The following ZMAT4 variants were observed in gnomAD, a reference collection of about 807,000 sequenced individuals.
ZMAT4 encodes zinc finger matrin-type 4.
A neutral mutation model predicts 28.7 loss-of-function variants in ZMAT4; 17 were observed. The observed-to-expected ratio is 0.59, with a 90% CI of 0.41 to 0.89. The LOEUF (loss-of-function observed/expected upper bound fraction) is 0.89, where lower values mean the gene tolerates loss of function less well. Among genes scored for constraint, ZMAT4 ranks in the 40% least tolerant of loss-of-function variants. The pLI, the probability that ZMAT4 is intolerant of heterozygous loss-of-function variation, is 0.00. For synonymous variants in ZMAT4, 117 were observed against 109.2 expected (o/e 1.07, Z -0.44); for missense variants, 240 against 283.8 (o/e 0.85, Z 1.11).
At chr8:40,709,112 A>G (rs1198430438) in intron 3 of ZMAT4, among the ~76,000 whole-genome samples, 5 of 152,222 alleles carry the variant, frequency 3.3e-5, no homozygotes, top group Non-Finnish European at 5.9e-5. Flanking sequence ...CAGCGTTTGC[A>G]TATAACCTAC....
chr8:40,828,765 C>T (rs539333570), intron 1 of ZMAT4, among the ~76,000 whole-genome samples: 1 of 152,202 alleles, frequency 6.6e-6, no homozygotes, highest in South Asian at 2.1e-4. Context: ...TACATGAGGG[C>T]TTTCCCTCCA....
At chr8:40,793,416 A>G (rs1346368718) in intron 2 of ZMAT4, among the ~76,000 whole-genome samples, 1 of 152,170 alleles carries the variant, frequency 6.6e-6, no homozygotes, top group East Asian at 1.9e-4. Flanking sequence ...CCACACAAGG[A>G]GGAAGACAAG....
At chr8:40,653,786 CA>C (rs1040748566) in intron 5 of ZMAT4, among the ~76,000 whole-genome samples, 1 of 151,962 alleles carries the variant, frequency 6.6e-6, no homozygotes, top group Non-Finnish European at 1.5e-5. Flanking sequence ...ATATTTCATA[CA>C]AAAAAAGAGT....
chr8:40,733,263 C>A (rs1402498594), intron 3 of ZMAT4, among the ~76,000 whole-genome samples: 2 of 152,044 alleles, frequency 1.3e-5, no homozygotes, highest in Non-Finnish European at 2.9e-5. Context: ...AGAACAGACC[C>A]ATTCTTGGTC....
chr8:40,553,700 G>C (rs1803437314), intron 6 of ZMAT4, among the ~76,000 whole-genome samples: 1 of 152,116 alleles, frequency 6.6e-6, no homozygotes, highest in African/African-American at 2.4e-5. Context: ...ACCTAAGGTT[G>C]CATAGATAAT....
At chr8:40,748,271 G>T (rs1388273359) in intron 3 of ZMAT4, among the ~76,000 whole-genome samples, 1 of 152,190 alleles carries the variant, frequency 6.6e-6, no homozygotes, top group East Asian at 1.9e-4. Context: ...CGGAGTCACA[G>T]ATCAAAAGGA....
intron 5 of ZMAT4, among the ~76,000 whole-genome samples, chr8:40,652,077 C>A (rs1807690698): frequency 1.3e-5 from 1 of 79,906 alleles, no homozygotes; most frequent in Admixed American, 1.3e-4. Context: ...CCAAAATTGA[C>A]AAATGGGATC....
chr8:40,592,828 A>T (rs944430208), intron 5 of ZMAT4, among the ~76,000 whole-genome samples: 1 of 152,224 alleles, frequency 6.6e-6, no homozygotes, highest in Non-Finnish European at 1.5e-5. Context: ...CATTTGAGCA[A>T]ATCATCTTCA....
At chr8:40,648,507 A>G (rs1319508105) in intron 5 of ZMAT4, among the ~76,000 whole-genome samples, 1 of 150,838 alleles carries the variant, frequency 6.6e-6, no homozygotes, top group East Asian at 1.9e-4. Flanking sequence ...GCTGCAGGAT[A>G]TTGTCCAGGA....
intron 1 of ZMAT4, among the ~76,000 whole-genome samples, chr8:40,871,869 C>A (rs1414651603): frequency 1.3e-5 from 2 of 152,232 alleles, no homozygotes; most frequent in African/African-American, 2.4e-5. Context: ...AAACTACCTC[C>A]TGATGAGTTA....
intron 6 of ZMAT4, among the ~76,000 whole-genome samples, chr8:40,568,584 G>C (rs12545907): frequency 3.9e-5 from 6 of 151,960 alleles, no homozygotes; most frequent in Admixed American, 6.6e-5. Context: ...TCATCTACCC[G>C]TTCCTCGGGG....
chr8:40,683,841 G>C (rs1809280899), intron 4 of ZMAT4, among the ~76,000 whole-genome samples: 1 of 152,038 alleles, frequency 6.6e-6, no homozygotes, highest in Non-Finnish European at 1.5e-5. Context: ...GAAATGGGTG[G>C]ATCACTAAAG....
At chr8:40,841,376 C>G (rs1816695616) in intron 1 of ZMAT4, among the ~76,000 whole-genome samples, 1 of 152,188 alleles carries the variant, frequency 6.6e-6, no homozygotes, top group Non-Finnish European at 1.5e-5. Flanking sequence ...CCAGCCACTC[C>G]AGAGGCCGCC....
intron 2 of ZMAT4, among the ~76,000 whole-genome samples, chr8:40,792,006 C>T (rs1033085794): frequency 2.6e-5 from 4 of 152,190 alleles, no homozygotes; most frequent in Admixed American, 6.5e-5. Context: ...AATGAGTTCA[C>T]CTCTTTCTGG....
chr8:40,639,391 C>T (rs1468328844), intron 5 of ZMAT4, among the ~76,000 whole-genome samples: 1 of 152,078 alleles, frequency 6.6e-6, no homozygotes, highest in East Asian at 1.9e-4. Context: ...GACCCTTAGC[C>T]AACATCGGGA....
chr8:40,887,764 G>A, intron 1 of ZMAT4, among the ~76,000 whole-genome samples: 1 of 152,066 alleles, frequency 6.6e-6, no homozygotes, highest in Non-Finnish European at 1.5e-5. Context: ...CTGCCTCTCG[G>A]CTCCCCCTCC....
intron 3 of ZMAT4, among the ~76,000 whole-genome samples, chr8:40,757,517 C>T (rs528245569): frequency 1.3e-4 from 19 of 150,654 alleles, no homozygotes; most frequent in African/African-American, 4.1e-4. Context: ...ACCTGGAGGG[C>T]GGAGGTTGCA....
chr8:40,795,209 C>T (rs1027369548), intron 2 of ZMAT4, among the ~76,000 whole-genome samples: 2 of 152,120 alleles, frequency 1.3e-5, no homozygotes, highest in Non-Finnish European at 2.9e-5. Context: ...GCCAAGCATC[C>T]GATCATTGCA....
chr8:40,706,452 A>G (rs1345534906), intron 3 of ZMAT4, among the ~76,000 whole-genome samples: 5 of 152,230 alleles, frequency 3.3e-5, no homozygotes, highest in Admixed American at 3.3e-4. Context: ...TAACAGATCA[A>G]GAAAATGAAG....
Sources: allele counts gnomAD v4.1 joint callset (sites outside exome capture counted in the v4.1 genomes callset), GRCh38; gene constraint gnomAD v4.1.1; transcripts MANE v1.5; gene names NCBI Gene and HGNC (gene_info 2026-07-23, HGNC 2026-07-21).